Variants in SORCS3 observed in about 807,000 individuals in gnomAD.
The protein encoded by SORCS3 is VPS10 domain-containing receptor SorCS3.
A neutral mutation model predicts 146.3 loss-of-function variants in SORCS3; 57 were observed. The observed-to-expected ratio is 0.39, with a 90% confidence interval of 0.31 to 0.49. SORCS3 has a LOEUF of 0.49. Among genes scored for constraint, SORCS3 ranks in the 20% least tolerant of loss-of-function variants. The pLI, the probability that SORCS3 is intolerant of heterozygous loss-of-function variation, is 0.92. For missense variants in SORCS3, 1,341 were observed against 1,575.5 expected (o/e 0.85, Z 2.52); for synonymous variants, 653 against 618.5 (o/e 1.06, Z -0.83).
intron 1 of SORCS3, among the ~76,000 whole-genome samples, chr10:104,700,300 G>A (rs2016265025): frequency 6.6e-6 from 1 of 152,184 alleles, no homozygotes; most frequent in Admixed American, 6.5e-5. Context: ...CTTCAGTCAT[G>A]GCTGGAGCCA....
intron 13 of SORCS3, among the ~76,000 whole-genome samples, chr10:105,170,870 A>G (rs1180013002): frequency 6.6e-6 from 1 of 152,066 alleles, no homozygotes; most frequent in Non-Finnish European, 1.5e-5. Context: ...CCTGCTTGTG[A>G]GATACAAGCT....
At chr10:105,232,635 G>C (rs2056771994) in intron 20 of SORCS3, among the ~76,000 whole-genome samples, 1 of 150,430 alleles carries the variant, frequency 6.6e-6, no homozygotes, top group African/African-American at 2.4e-5. Flanking sequence ...ACTGATTCTA[G>C]ATACTTCTTT....
intron 3 of SORCS3, among the ~76,000 whole-genome samples, chr10:104,920,932 C>T (rs2019080522): frequency 6.6e-6 from 1 of 152,176 alleles, no homozygotes; most frequent in African/African-American, 2.4e-5. Context: ...CTTTCTCCAG[C>T]CATTGGCCAA....
At chr10:104,931,464 G>A (rs2019208087) in intron 3 of SORCS3, among the ~76,000 whole-genome samples, 1 of 152,162 alleles carries the variant, frequency 6.6e-6, no homozygotes, top group Non-Finnish European at 1.5e-5. Context: ...CTGCCCAAGG[G>A]TATAAATAAG....
chr10:104,684,806 T>G (rs1589456874), intron 1 of SORCS3, among the ~76,000 whole-genome samples: 13 of 55,084 alleles, frequency 2.4e-4, no homozygotes, highest in East Asian at 1.0e-3. Flanking sequence ...TTTTTTTTTT[T>G]TTTTTTTTTT....
At chr10:105,225,882 A>G (rs1241733892) in intron 20 of SORCS3, among the ~76,000 whole-genome samples, 2 of 151,936 alleles carry the variant, frequency 1.3e-5, no homozygotes, top group African/African-American at 2.4e-5. Flanking sequence ...TTTAATTGGT[A>G]TGTAACACTA....
intron 2 of SORCS3, among the ~76,000 whole-genome samples, chr10:104,857,913 G>A (rs967159583): frequency 1.3e-5 from 2 of 152,086 alleles, no homozygotes; most frequent in East Asian, 3.9e-4. Context: ...CTGGGCGGTC[G>A]GTAGGGGAGG....
chr10:104,697,677 G>C (rs2016232740), intron 1 of SORCS3, among the ~76,000 whole-genome samples: 1 of 152,130 alleles, frequency 6.6e-6, no homozygotes, highest in Admixed American at 6.6e-5. Flanking sequence ...TGTCACCCAA[G>C]CCTGTTAAAA....
At chr10:105,133,866 G>C (rs2056038984) in intron 7 of SORCS3, among the ~76,000 whole-genome samples, 1 of 152,150 alleles carries the variant, frequency 6.6e-6, no homozygotes, top group Non-Finnish European at 1.5e-5. Context: ...GCTGAGGTAG[G>C]AGGATTGCTT....
At chr10:104,972,346 A>T (rs544605745) in intron 3 of SORCS3, among the ~76,000 whole-genome samples, 2 of 152,332 alleles carry the variant, frequency 1.3e-5, no homozygotes, top group African/African-American at 4.8e-5. Flanking sequence ...GATGCCAAAG[A>T]CTTTTCATTA....
At chr10:104,721,865 A>G (rs1044066504) in intron 1 of SORCS3, among the ~76,000 whole-genome samples, 1 of 152,210 alleles carries the variant, frequency 6.6e-6, no homozygotes, top group African/African-American at 2.4e-5. Flanking sequence ...TATCAGCTTA[A>G]GGAGATTTTG....
intron 6 of SORCS3, among the ~76,000 whole-genome samples, chr10:105,095,603 G>A (rs2055740091): frequency 6.6e-6 from 1 of 152,048 alleles, no homozygotes; most frequent in South Asian, 2.1e-4. Context: ...GCACTGCCCT[G>A]GCTGAAGTGT....
At chr10:104,888,375 T>A (rs1230662952) in intron 2 of SORCS3, among the ~76,000 whole-genome samples, 2 of 152,214 alleles carry the variant, frequency 1.3e-5, no homozygotes, top group Non-Finnish European at 2.9e-5. Context: ...CTTCATTCTA[T>A]TTTCCTGTTA....
At chr10:105,135,932 C>T (rs2056056040) in intron 7 of SORCS3, among the ~76,000 whole-genome samples, 1 of 152,148 alleles carries the variant, frequency 6.6e-6, no homozygotes, top group Non-Finnish European at 1.5e-5. Context: ...TCTACAGCTC[C>T]CCACTTCTTC....
At chr10:105,008,947 T>A (rs1201482188) in intron 4 of SORCS3, among the ~76,000 whole-genome samples, 2 of 152,204 alleles carry the variant, frequency 1.3e-5, no homozygotes, top group Non-Finnish European at 2.9e-5. Context: ...GTGACCAGCT[T>A]GAGCTGAGTT....
intron 9 of SORCS3, among the ~76,000 whole-genome samples, chr10:105,153,711 T>C (rs1207845779): frequency 6.6e-6 from 1 of 151,674 alleles, no homozygotes; most frequent in Non-Finnish European, 1.5e-5. Flanking sequence ...TGGTAACTCA[T>C]CGCAGGTGTG....
At chr10:105,158,430 A>G (rs2056230935) in intron 10 of SORCS3, among the ~76,000 whole-genome samples, 1 of 152,224 alleles carries the variant, frequency 6.6e-6, no homozygotes, top group African/African-American at 2.4e-5. Flanking sequence ...AGACAGAGAC[A>G]ATCTGGCTGA....
chr10:104,778,787 G>A (rs955496670), intron 1 of SORCS3, among the ~76,000 whole-genome samples: 1 of 152,160 alleles, frequency 6.6e-6, no homozygotes, highest in Admixed American at 6.5e-5. Flanking sequence ...GTGGTAGGCT[G>A]AGTAATGCAC....
At chr10:105,210,134 CCT>C (rs931817445) in intron 16 of SORCS3, among the ~76,000 whole-genome samples, 1 of 152,006 alleles carries the variant, frequency 6.6e-6, no homozygotes, top group Non-Finnish European at 1.5e-5. Context: ...AGAAAATTTG[CCT>C]CTGTTTTCAT....
Sources: gnomAD v4.1 joint callset for allele counts (sites outside exome capture counted in the v4.1 genomes callset) on GRCh38, gnomAD v4.1.1 for gene constraint, MANE v1.5 for transcripts, NCBI Gene and HGNC (gene_info 2026-07-23, HGNC 2026-07-21) for gene names.